The following ZMYND11 variants were observed in gnomAD, a reference collection of about 807,000 sequenced individuals.
ZMYND11 encodes zinc finger MYND-type containing 11.
In ZMYND11, 9 loss-of-function variants were observed where a neutral mutation model predicts 84.9. The observed-to-expected ratio is 0.11, with a 90% CI of 0.06 to 0.18. ZMYND11 has a LOEUF of 0.18. Among genes scored for constraint, ZMYND11 ranks in the 10% least tolerant of loss-of-function variants. The probability of loss-of-function intolerance (pLI) is 1.00; values close to 1 mark genes in which losing one functional copy is unlikely to be tolerated. For synonymous variants in ZMYND11, 250 were observed against 244.1 expected (o/e 1.02, Z -0.23); for missense variants, 409 against 761.0 (o/e 0.54, Z 5.44).
intron 4 of ZMYND11, among the ~76,000 whole-genome samples, chr10:233,195 G>A (rs1322104193): frequency 4.0e-5 from 6 of 149,686 alleles, no homozygotes; most frequent in African/African-American, 1.5e-4. Context: ...CGGCACCTGA[G>A]ACATCGGTGG....
intron 3 of ZMYND11, among the ~76,000 whole-genome samples, chr10:215,028 A>G (rs1219961389): frequency 6.6e-6 from 1 of 152,228 alleles, no homozygotes; most frequent in Non-Finnish European, 1.5e-5. Flanking sequence ...ATTTGCAGAT[A>G]AAGCATATCA....
At chr10:174,396 A>G (rs1846073568) in intron 1 of ZMYND11, among the ~76,000 whole-genome samples, 1 of 152,230 alleles carries the variant, frequency 6.6e-6, no homozygotes, top group Non-Finnish European at 1.5e-5. Context: ...AGGGTTAGGG[A>G]AGGAAGGGAT....
At chr10:239,344 C>A in intron 6 of ZMYND11, 94 bp from the exon 7 acceptor site, 2 of 994,198 alleles carry the variant, frequency 2.0e-6, no homozygotes, top group Non-Finnish European at 1.6e-6. Flanking sequence ...ATCCTGATGT[C>A]ATCCTAGAAA....
chr10:199,297 C>T (rs1942539436), intron 2 of ZMYND11, among the ~76,000 whole-genome samples: 1 of 42,886 alleles, frequency 2.3e-5, no homozygotes, highest in Non-Finnish European at 5.7e-5. Context: ...CTCCCTCACT[C>T]CCTCCCTCTC....
intron 5 of ZMYND11, among the ~76,000 whole-genome samples, chr10:237,136 T>C (rs1398134421): frequency 6.6e-6 from 1 of 152,248 alleles, no homozygotes; most frequent in African/African-American, 2.4e-5. Flanking sequence ...CATTTTGACA[T>C]AAGCTACATG....
At chr10:241,251 C>CCGTAGCCTTGACCTCCTCCAGG (rs1950845894) in intron 9 of ZMYND11, among the ~76,000 whole-genome samples, 1 of 152,150 alleles carries the variant, frequency 6.6e-6, no homozygotes, top group East Asian at 1.9e-4. Flanking sequence ...TCTCAGCTCA[C>CCGTAGCCTTGACCTCCTCCAGG]CGTAGCCTTG....
chr10:178,605 T>G (rs750155574), intron 1 of ZMYND11, among the ~76,000 whole-genome samples: 1 of 152,244 alleles, frequency 6.6e-6, no homozygotes, highest in African/African-American at 2.4e-5. Context: ...ATTTTCATTA[T>G]GTATAAATTT....
chr10:203,342 T>A (rs894058374), intron 2 of ZMYND11, among the ~76,000 whole-genome samples: 3 of 151,514 alleles, frequency 2.0e-5, no homozygotes, highest in African/African-American at 7.3e-5. Flanking sequence ...AAAATAAAAT[T>A]CCATTTTAAA....
chr10:163,763 C>T (rs1170577135), intron 1 of ZMYND11, among the ~76,000 whole-genome samples: 1 of 152,058 alleles, frequency 6.6e-6, no homozygotes, highest in Non-Finnish European at 1.5e-5. Flanking sequence ...CTGTGGCTGT[C>T]TGTTCACATT....
intron 3 of ZMYND11, among the ~76,000 whole-genome samples, chr10:220,136 G>C (rs931309843): frequency 6.6e-6 from 1 of 152,062 alleles, no homozygotes; most frequent in Non-Finnish European, 1.5e-5. Context: ...ACTGACATCA[G>C]AGAAAACAGT....
intron 1 of ZMYND11, among the ~76,000 whole-genome samples, chr10:171,783 G>A (rs532612154): frequency 2.0e-4 from 30 of 152,194 alleles, no homozygotes; most frequent in African/African-American, 6.7e-4. Context: ...ATACTTAATG[G>A]TAAGGAACTT....
At position 236,912 on chromosome 10, in the gene ZMYND11, G is replaced by A. The variant is rs761075461; in HGVS notation, c.513G>A (p.Glu171=). The A allele has an allele frequency of 6.2e-7, 1 of 1,613,270 alleles. No homozygotes were observed. Among genetic ancestry groups the A allele is most frequent in the Non-Finnish European group, 8.5e-7 (1 of 1,179,576 alleles). Residue 171 remains glutamate (E), a synonymous_variant, in exon 5 of 15, where the codon GAG becomes GAA. Coordinates refer to ENST00000381604, the MANE Select transcript of ZMYND11 (RefSeq NM_001370100.5). ...YLRFIVSRMK[E]RAIDLNKKGK... ...GATTCATTGTCTCCCGCATGAAGGA[G>A]AGGGTGAGTCCTGCTCAGGGAATCT...
intron 1 of ZMYND11, among the ~76,000 whole-genome samples, chr10:139,040 A>C (rs782378766): frequency 1.3e-5 from 2 of 152,058 alleles, no homozygotes; most frequent in Non-Finnish European, 2.9e-5. Context: ...TCCTGGCCTC[A>C]AATGATCCGC....
intron 1 of ZMYND11, among the ~76,000 whole-genome samples, chr10:158,788 T>C (rs373691842): frequency 6.6e-6 from 1 of 152,032 alleles, no homozygotes; most frequent in South Asian, 2.1e-4. Flanking sequence ...TGATTTTGAT[T>C]TGCATTTCTG....
intron 2 of ZMYND11, among the ~76,000 whole-genome samples, chr10:195,601 A>G (rs1019441236): frequency 6.6e-6 from 1 of 152,244 alleles, no homozygotes; most frequent in Non-Finnish European, 1.5e-5. Context: ...CCATTTCTGT[A>G]AACTTCAAAA....
At chr10:246,288 T>C (rs1952145370) in intron 10 of ZMYND11, among the ~76,000 whole-genome samples, 1 of 152,232 alleles carries the variant, frequency 6.6e-6, no homozygotes, top group South Asian at 2.1e-4. Context: ...TATATGAATA[T>C]ATGTATGTAT....
intron 5 of ZMYND11, among the ~76,000 whole-genome samples, 164 bp from the exon 6 acceptor site, chr10:237,421 T>C (rs1241489446): frequency 6.6e-6 from 1 of 152,156 alleles, no homozygotes; most frequent in Non-Finnish European, 1.5e-5. Flanking sequence ...GGCAGGAGGA[T>C]TGCTTGAGCC....
At chr10:198,123 A>C (rs1187304804) in intron 2 of ZMYND11, 1 of 380,384 alleles carries the variant, frequency 2.6e-6, no homozygotes, top group South Asian at 7.6e-5. Context: ...GAGATTTTAA[A>C]TTAAAAATAT....
intron 4 of ZMYND11, among the ~76,000 whole-genome samples, chr10:222,917 C>T (rs537353317): frequency 6.6e-6 from 1 of 152,176 alleles, no homozygotes; most frequent in East Asian, 1.9e-4. Flanking sequence ...TTTTGTATTT[C>T]TTATGGTAAG....
Sources: gnomAD v4.1 joint callset for allele counts (sites outside exome capture counted in the v4.1 genomes callset) on GRCh38, gnomAD v4.1.1 for gene constraint, MANE v1.5 for transcripts, NCBI Gene and HGNC (gene_info 2026-07-23, HGNC 2026-07-21) for gene names.